The following IRAG1 variants were observed in gnomAD, a reference collection of about 807,000 sequenced individuals.
IRAG1 encodes the protein inositol 1,4,5-triphosphate receptor associated 1.
In IRAG1, 62 loss-of-function variants were observed where a neutral mutation model predicts 106.2. The ratio of observed to expected loss-of-function variants is 0.58; its 90% CI spans 0.48 to 0.72. The LOEUF (loss-of-function observed/expected upper bound fraction) is 0.72, where lower values mean the gene tolerates loss of function less well. Among genes scored for constraint, IRAG1 ranks in the 30% least tolerant of loss-of-function variants. IRAG1 has a pLI of 0.00. For synonymous variants in IRAG1, 462 were observed against 443.9 expected (o/e 1.04, Z -0.51); for missense variants, 1,064 against 1,140.7 (o/e 0.93, Z 0.97).
intron 1 of IRAG1, among the ~76,000 whole-genome samples, chr11:10,673,044 A>AG (rs1221760175): frequency 3.3e-5 from 5 of 152,158 alleles, no homozygotes; most frequent in Non-Finnish European, 7.3e-5. Context: ...GCACTTTGGG[A>AG]GGCTGAGACG....
intron 1 of IRAG1, chr11:10,687,744 C>G: frequency 7.8e-7 from 1 of 1,289,082 alleles, no homozygotes; most frequent in Non-Finnish European, 1.0e-6. Flanking sequence ...GTCAGAGCCT[C>G]AAACCCAGTG....
chr11:10,680,526 A>AGGAAGGAAGGAAGGAAGGAAGG (rs1861158591), intron 1 of IRAG1, among the ~76,000 whole-genome samples: 1 of 133,216 alleles, frequency 7.5e-6, no homozygotes, highest in African/African-American at 3.3e-5. Context: ...AAAGGAAGAA[A>AGGAAGGAAGGAAGGAAGGAAGG]GGAAGGAAGG....
At chr11:10,604,001 C>T (rs1462414530) in intron 13 of IRAG1, among the ~76,000 whole-genome samples, 1 of 152,176 alleles carries the variant, frequency 6.6e-6, no homozygotes, top group Non-Finnish European at 1.5e-5. Flanking sequence ...AAGACACACA[C>T]CAAGCCTAGA....
chr11:10,671,723 C>T (rs551943509), intron 1 of IRAG1, among the ~76,000 whole-genome samples: 1 of 129,360 alleles, frequency 7.7e-6, no homozygotes, highest in African/African-American at 3.0e-5. Flanking sequence ...AAAACAACAA[C>T]AACAAACACA....
At chr11:10,652,365 C>G in intron 1 of IRAG1, 183 bp from the exon 2 acceptor site, 1 of 1,430,130 alleles carries the variant, frequency 7.0e-7, no homozygotes, top group Non-Finnish European at 9.2e-7. Flanking sequence ...GCTTTGTTTA[C>G]AAAGTCAGAG....
At chr11:10,613,971 C>G (rs906201858) in intron 10 of IRAG1, among the ~76,000 whole-genome samples, 2 of 152,132 alleles carry the variant, frequency 1.3e-5, no homozygotes, top group Admixed American at 6.5e-5. Flanking sequence ...CAAATTCTCA[C>G]GCACCAAGCC....
intron 2 of IRAG1, among the ~76,000 whole-genome samples, chr11:10,643,489 T>C (rs1336525777): frequency 6.6e-6 from 1 of 152,222 alleles, no homozygotes; most frequent in East Asian, 1.9e-4. Flanking sequence ...CTGTTTTTAC[T>C]CTCATGCCAA....
chr11:10,669,709 C>T (rs1589952293), intron 1 of IRAG1, among the ~76,000 whole-genome samples: 2 of 152,230 alleles, frequency 1.3e-5, no homozygotes, highest in East Asian at 1.9e-4. Context: ...GCAGTCCACC[C>T]TCTCTTTCAG....
chr11:10,619,267 G>C (rs1026309090), intron 10 of IRAG1, among the ~76,000 whole-genome samples: 3 of 152,182 alleles, frequency 2.0e-5, no homozygotes, highest in Non-Finnish European at 2.9e-5. Context: ...AACTGAAGGA[G>C]AGCCAAAATT....
chr11:10,601,105 G>T (rs1853948011), intron 14 of IRAG1, 46 bp from the exon 15 acceptor site: 3 of 1,608,330 alleles, frequency 1.9e-6, no homozygotes, highest in Non-Finnish European at 2.5e-6. Flanking sequence ...TGGAGGAAAG[G>T]CTCCGTTGGC....
At chr11:10,624,684 C>T (rs1293864968) in intron 9 of IRAG1, among the ~76,000 whole-genome samples, 1 of 152,140 alleles carries the variant, frequency 6.6e-6, no homozygotes, top group Non-Finnish European at 1.5e-5. Context: ...GTCAAGGACC[C>T]TTTACCCATT....
At chr11:10,651,930 A>G in intron 2 of IRAG1, 95 bp downstream of exon 2, 3 of 1,410,806 alleles carry the variant, frequency 2.1e-6, no homozygotes, top group Non-Finnish European at 2.8e-6. Flanking sequence ...AGCTGTCAGC[A>G]AACCCTCTGG....
Position 10,652,015 on chromosome 11 carries a change from G to A in IRAG1, c.225+10C>T, listed in dbSNP as rs767552779. On this transcript the variant is annotated intron_variant, in intron 2 of 20. Coordinates refer to ENST00000423302, the MANE Select transcript of IRAG1 (RefSeq NM_130385.4). ...GCCAGGCTAGCTGAGGGCAGGGAGGGGGCACTTACTTGGCCGGCAGGGCTC... is the reference window on the plus strand; with the variant it reads ...GCCAGGCTAGCTGAGGGCAGGGAGGAGGCACTTACTTGGCCGGCAGGGCTC... 5.8e-6 allele frequency: 9 copies of A among 1,556,956 alleles called. No individual in the cohort carries two copies. In the South Asian group the frequency reaches 1.1e-4, roughly 18 times the overall value.
In IRAG1 at chr11:10,575,907, A is replaced by T. The variant is rs1850788616; in HGVS notation, c.*425T>A. On this transcript the variant is annotated 3_prime_UTR_variant, in exon 21 of 21. Coordinates refer to ENST00000423302, the MANE Select transcript of IRAG1 (RefSeq NM_130385.4). ...AGGTCTGATGCTTAGGGTGTTAGTC[A>T]TTAAGCAAATTCTTCCTGATAACCA... 5.4e-6 allele frequency: 1 copy of T among 186,654 alleles called. No homozygotes were observed. The highest frequency in any genetic ancestry group is 5.3e-5 in the Admixed American group (1 of 18,878). 11.6% of individuals were successfully genotyped at this position (186,654 alleles called of 1,614,324 possible).
At chr11:10,601,985 C>T (rs1166047616) in intron 14 of IRAG1, among the ~76,000 whole-genome samples, 3 of 152,232 alleles carry the variant, frequency 2.0e-5, no homozygotes, top group Non-Finnish European at 2.9e-5. Flanking sequence ...TCTGCTCATA[C>T]CCCAGTTAGA....
rs1860639024 is a variant in IRAG1, at chr11:10,676,136, C to T, written c.67+17400G>A. Among the ~76,000 whole-genome samples the T allele has an allele frequency of 2.0e-5, 3 of 152,250 alleles. No individual in the cohort carries two copies. In the South Asian group the frequency reaches 6.2e-4, roughly 31 times the overall value. On this transcript the variant is annotated intron_variant, in intron 1 of 20. Coordinates refer to ENST00000423302, the MANE Select transcript of IRAG1 (RefSeq NM_130385.4). Reference sequence around the variant, plus strand: ...CAGGTTCTTAGCTGTGATGCTCGTACTGCCTCTTAGTGGCTTCGCTTTGCC... The same window carrying T: ...CAGGTTCTTAGCTGTGATGCTCGTATTGCCTCTTAGTGGCTTCGCTTTGCC...
intron 2 of IRAG1, among the ~76,000 whole-genome samples, chr11:10,641,480 G>T (rs1422910132): frequency 6.6e-6 from 1 of 152,150 alleles, no homozygotes; most frequent in East Asian, 1.9e-4. Context: ...ACCTTCACCC[G>T]GCTCCACTCC....
At chr11:10,633,266 GT>G (rs1856868833) in intron 3 of IRAG1, among the ~76,000 whole-genome samples, 1 of 152,004 alleles carries the variant, frequency 6.6e-6, no homozygotes, top group Non-Finnish European at 1.5e-5. Context: ...TAGTAGAGAC[GT>G]GGTTTCACTG....
At chr11:10,632,170 C>T in intron 3 of IRAG1, 109 bp from the exon 4 acceptor site, 1 of 743,668 alleles carries the variant, frequency 1.3e-6, no homozygotes, top group Non-Finnish European at 2.2e-6. Context: ...TTCTTTGTTT[C>T]CTTCTTTCCT....
Sources: allele counts gnomAD v4.1 joint callset (sites outside exome capture counted in the v4.1 genomes callset), GRCh38; gene constraint gnomAD v4.1.1; transcripts MANE v1.5; gene names NCBI Gene and HGNC (gene_info 2026-07-23, HGNC 2026-07-21).